The following FGD2 variants were observed in gnomAD, a reference collection of about 807,000 sequenced individuals.
FGD2 encodes FYVE, RhoGEF and PH domain containing 2.
A neutral mutation model predicts 75.9 loss-of-function variants in FGD2; 52 were observed. That is an observed-to-expected ratio of 0.69 (90% CI 0.55 to 0.86). FGD2 has a LOEUF of 0.86. Ranked by LOEUF, FGD2 falls within the 40% of genes least tolerant of loss-of-function variation. The pLI is 0.00. For synonymous variants in FGD2, 347 were observed against 348.6 expected (o/e 1.00, Z 0.05); for missense variants, 790 against 872.0 (o/e 0.91, Z 1.18).
Position 37,014,990 on chromosome 6 carries a change from C to T in FGD2, c.981C>T (p.Leu327=), listed in dbSNP as rs748493807. Residue 327 remains leucine (L), a synonymous_variant, in exon 8 of 16, where the codon CTC becomes CTT. Transcript: ENST00000274963. ...SNTLLREGPV[L]KISFRRNDPM... ...CCCTGCTCCGTGAGGGCCCGGTCCT[C>T]AAGATCTCCTTCCGCCGCAACGACC... 7 of 1,614,038 alleles carry T rather than the reference C, an allele frequency of 4.3e-6. 1 individual carries two copies. In the Admixed American group the frequency reaches 1.0e-4, roughly 23 times the overall value.
Position 37,013,465 on chromosome 6 carries a change from A to G in FGD2, c.528-144A>G. ...AAGGAGTAGAGGGGCGCATGTGAGG[A>G]TGACACCCCCGTACCCCGCCCACAC... is the stretch of plus-strand genomic sequence containing the variant. On this transcript the variant is annotated intron_variant, in intron 4 of 15. Coordinates refer to ENST00000274963, the MANE Select transcript of FGD2 (RefSeq NM_173558.4). 3 of 1,440,042 alleles carry G rather than the reference A, an allele frequency of 2.1e-6. No individual in the cohort carries two copies. The South Asian group carries it at 4.4e-5, about 21-fold the overall frequency. 89.2% of individuals were successfully genotyped at this position (1,440,042 alleles called of 1,614,324 possible).
chr6:37,022,437 G>T (rs891877766), intron 13 of FGD2, 67 bp downstream of exon 13: 8 of 1,496,924 alleles, frequency 5.3e-6, no homozygotes, highest in Non-Finnish European at 7.1e-6. Flanking sequence ...CATCACCCAG[G>T]CCTCCACCTT....
rs935235005 is a variant in FGD2 at position 37,020,422 on chromosome 6, C to A, written c.1123-119C>A. 15 of 953,480 alleles carry A rather than the reference C, an allele frequency of 1.6e-5. No individual in the cohort carries two copies. In the East Asian group the frequency reaches 3.9e-4, roughly 25 times the overall value. 59.1% of individuals were successfully genotyped at this position (953,480 alleles called of 1,614,324 possible). A position where few individuals can be genotyped will look rare whatever the true frequency, so the allele number is the denominator to read the frequency against. On this transcript the variant is annotated intron_variant, in intron 9 of 15. Transcript: ENST00000274963. ...AGAGGTGGCGAACAAGCTCTGCATCCCTGTCTCTCGAATTTGAATTGTCCC... is the reference window on the plus strand; with the variant it reads ...AGAGGTGGCGAACAAGCTCTGCATCACTGTCTCTCGAATTTGAATTGTCCC...
intron 13 of FGD2, chr6:37,024,241 G>A (rs1253222668): frequency 6.6e-6 from 1 of 152,228 alleles, no homozygotes. Flanking sequence ...TCGGGAGGCT[G>A]AGGAGGGAGA....
chr6:37,022,499 G>T, intron 13 of FGD2, 129 bp downstream of exon 13: 1 of 1,321,652 alleles, frequency 7.6e-7, no homozygotes. Context: ...GCCCCACCTC[G>T]GCCTCCATCT....
intron 9 of FGD2, among the ~76,000 whole-genome samples, chr6:37,017,416 G>A (rs573044612): frequency 2.0e-5 from 3 of 152,208 alleles, no homozygotes; most frequent in Non-Finnish European, 4.4e-5. Flanking sequence ...AGGTCATATC[G>A]CAAATGCTAG....
rs773114722 is a variant in FGD2 at position 37,028,001 on chromosome 6, G to A, written c.1806G>A (p.Gly602=). 6.2e-7 allele frequency: 1 copy of A among 1,614,076 alleles called. No individual in the cohort carries two copies. Among genetic ancestry groups the A allele is most frequent in the East Asian group, 2.2e-5 (1 of 44,874 alleles). Residue 602 remains glycine (G), a synonymous_variant, in exon 16 of 16, where the codon GGG becomes GGA. Coordinates refer to ENST00000274963, the MANE Select transcript of FGD2 (RefSeq NM_173558.4). The part of the protein sequence containing the change: ...IPLLGYQVTV[G]PQGDPRVFQL... ...TGCTGGGCTACCAGGTGACTGTTGG[G>A]CCCCAGGGGGACCCTCGGGTCTTCC...
chr6:37,020,325 A>T (rs1176696741), intron 9 of FGD2, among the ~76,000 whole-genome samples: 1 of 150,774 alleles, frequency 6.6e-6, no homozygotes, highest in Non-Finnish European at 1.5e-5. Context: ...CTAAAATTCC[A>T]GGAGCCATAG....
chr6:37,015,927 GA>G (rs754316224), intron 9 of FGD2, 67 bp downstream of exon 9: 91 of 1,414,066 alleles, frequency 6.4e-5, no homozygotes, highest in Non-Finnish European at 8.7e-5. Flanking sequence ...GGAGTAAGAG[GA>G]GGGGCCAACC....
chr6:37,011,850 G>T lies in FGD2; in HGVS notation c.523G>T (p.Asp175Tyr). 1 of 1,613,610 alleles carries T rather than the reference G, an allele frequency of 6.2e-7. No homozygotes were observed. Among genetic ancestry groups the T allele is most frequent in the South Asian group, 1.1e-5 (1 of 90,966 alleles). The change falls in exon 4 of 16, where the codon GAC becomes TAC. Residue 175 changes from aspartate to tyrosine, a missense_variant. Physicochemically the swap from Asp to Tyr is radical, Grantham distance 160 (BLOSUM62 -3). Coordinates refer to ENST00000274963, the MANE Select transcript of FGD2 (RefSeq NM_173558.4). The part of the protein sequence containing the change: ...FLPELQRRLD[D>Y]WTANPRIGDV... Reference sequence around the variant, plus strand: ...CCCAGAGCTGCAGCGGCGCCTGGACGACTGGTGAGGTCCACCAGGAGCCCC... The same window carrying T: ...CCCAGAGCTGCAGCGGCGCCTGGACTACTGGTGAGGTCCACCAGGAGCCCC...
intron 9 of FGD2, among the ~76,000 whole-genome samples, chr6:37,019,354 A>G (rs931243988): frequency 1.3e-5 from 2 of 152,160 alleles, no homozygotes; most frequent in African/African-American, 4.8e-5. Flanking sequence ...TCCAAATCAC[A>G]TCAGCCCCTT....
chr6:37,012,430 A>G (rs1241277785), intron 4 of FGD2, among the ~76,000 whole-genome samples: 2 of 152,154 alleles, frequency 1.3e-5, no homozygotes, highest in African/African-American at 4.8e-5. Flanking sequence ...AGATAATAAT[A>G]GCCAGGTTCG....
chr6:37,008,823 C>T lies in FGD2; in HGVS notation c.69-11C>T, dbSNP rs759082724. 1.1e-5 allele frequency: 17 copies of T among 1,563,850 alleles called. No homozygotes were observed. In the East Asian group the frequency reaches 3.9e-4, roughly 35 times the overall value. On this transcript the variant is annotated splice_polypyrimidine_tract_variant and intron_variant, in intron 1 of 15. Coordinates refer to ENST00000274963, the MANE Select transcript of FGD2 (RefSeq NM_173558.4). ...AGGGAGGAAGCCCTCAGGTCTGTCT[C>T]TTCTCCTCAGGACCCCAGAAGCAGC... is the stretch of plus-strand genomic sequence containing the variant.
chr6:37,021,976 A>G, intron 12 of FGD2: 1 of 517,236 alleles, frequency 1.9e-6, no homozygotes, highest in Non-Finnish European at 3.4e-6. Flanking sequence ...TTCAGATTTG[A>G]GCTGAACTCT....
intron 2 of FGD2, 62 bp downstream of exon 2, chr6:37,009,127 C>G: frequency 6.8e-7 from 1 of 1,478,634 alleles, no homozygotes; most frequent in East Asian, 2.4e-5. Context: ...CTGACCTCCC[C>G]TCCACACATG....
intron 12 of FGD2, 127 bp downstream of exon 12, chr6:37,021,731 CA>C: frequency 1.2e-6 from 1 of 860,404 alleles, no homozygotes; most frequent in Non-Finnish European, 1.8e-6. Flanking sequence ...CTGAAGGGAC[CA>C]GGGGAAGCCT....
rs780118206 is a variant in FGD2, at chr6:37,027,440, A to G, written c.1617A>G (p.Ser539=). 5.1e-5 allele frequency: 82 copies of G among 1,608,126 alleles called. No homozygotes were observed. The highest frequency in any genetic ancestry group is 6.3e-5 in the Non-Finnish European group (74 of 1,175,684). The change falls in exon 15 of 16, where the codon TCA becomes TCG. Residue 539 remains serine, a synonymous_variant. Coordinates refer to ENST00000274963, the MANE Select transcript of FGD2 (RefSeq NM_173558.4). ...KRRGILEKGS[S]ATPDQSLMCS... is the part of the protein sequence containing the mutation. ...CCTTCTGGTTTTAGAAAGGGTCCTC[A>G]GCCACGCCTGACCAGAGCCTGATGT...
chr6:37,008,405 T>C (rs1014015089), intron 1 of FGD2, among the ~76,000 whole-genome samples: 9 of 152,190 alleles, frequency 5.9e-5, no homozygotes, highest in African/African-American at 2.2e-4. Flanking sequence ...CCCCAGCTTT[T>C]GCAGGCCTGC....
At chr6:37,010,662 C>T (rs897333536) in intron 2 of FGD2, among the ~76,000 whole-genome samples, 3 of 152,180 alleles carry the variant, frequency 2.0e-5, no homozygotes, top group Non-Finnish European at 2.9e-5. Context: ...CTCCTCTCCA[C>T]GTGGCCTGTC....
Sources: gnomAD v4.1 joint callset for allele counts (sites outside exome capture counted in the v4.1 genomes callset) on GRCh38, gnomAD v4.1.1 for gene constraint, MANE v1.5 for transcripts, NCBI Gene and HGNC (gene_info 2026-07-23, HGNC 2026-07-21) for gene names.